CSGALNACT1: variants seen among roughly 807,000 people sequenced by gnomAD.
The protein encoded by CSGALNACT1 is beta4GalNAcT-1.
In CSGALNACT1, 52 loss-of-function variants were observed where a neutral mutation model predicts 51.0. The ratio of observed to expected loss-of-function variants is 1.02; its 90% CI spans 0.82 to 1.29. The LOEUF (loss-of-function observed/expected upper bound fraction) is 1.29, where lower values mean the gene tolerates loss of function less well. CSGALNACT1 is among the 50% of genes most tolerant of loss of function. CSGALNACT1 has a pLI of 0.00. For missense variants in CSGALNACT1, 935 were observed against 679.2 expected, an observed-to-expected ratio of 1.38 and a Z score of -4.19; for synonymous variants, 341 against 254.4, an observed-to-expected ratio of 1.34 and a Z score of -3.24.
intron 5 of CSGALNACT1, among the ~76,000 whole-genome samples, chr8:19,440,483 T>G (rs1005221469): frequency 6.6e-6 from 1 of 151,708 alleles, no homozygotes; most frequent in Non-Finnish European, 1.5e-5. Flanking sequence ...ATTATCTCAA[T>G]AGATGCAGAA....
rs117177235 is a variant in CSGALNACT1 at position 19,553,853 on chromosome 8, T to C, written c.-297+37307A>G. 4.9e-3 allele frequency among the ~76,000 whole-genome samples: 744 copies of C among 150,700 alleles called. 8 individuals are homozygous for C. Among genetic ancestry groups the C allele is most frequent in the Non-Finnish European group, 8.4e-3 (567 of 67,756 alleles). On this transcript the variant is annotated intron_variant, in intron 3 of 9. Coordinates refer to ENST00000454498, the Ensembl canonical transcript of CSGALNACT1. ...GAAAACATTGCATTGACAAAATAAGTACAGAATGTCATGAGGAAAATAATC... is the reference window on the plus strand; with the variant it reads ...GAAAACATTGCATTGACAAAATAAGCACAGAATGTCATGAGGAAAATAATC...
At chr8:19,561,854 G>A (rs912303002) in intron 3 of CSGALNACT1, among the ~76,000 whole-genome samples, 4 of 152,192 alleles carry the variant, frequency 2.6e-5, no homozygotes, top group South Asian at 2.1e-4. Flanking sequence ...GGCCAGGAGG[G>A]TAAGAGGTAA....
intron 3 of CSGALNACT1, among the ~76,000 whole-genome samples, chr8:19,575,031 C>T (rs2043870231): frequency 6.7e-6 from 1 of 150,156 alleles, no homozygotes; most frequent in South Asian, 2.1e-4. Context: ...GAGACTCCGT[C>T]TCAAAAAAAA....
chr8:19,553,639 A>ATATATATATAT (rs869251447), intron 3 of CSGALNACT1, among the ~76,000 whole-genome samples: 44 of 126,608 alleles, frequency 3.5e-4, no homozygotes, highest in African/African-American at 1.0e-3. Flanking sequence ...ATATATATAT[A>ATATATATATAT]AAAAAATATG....
chr8:19,453,202 CA>C (rs1483425756), intron 5 of CSGALNACT1, among the ~76,000 whole-genome samples: 1 of 152,162 alleles, frequency 6.6e-6, no homozygotes, highest in Non-Finnish European at 1.5e-5. Flanking sequence ...ATTTCTTAGA[CA>C]TGTTTCACAC....
At chr8:19,733,295 C>A (rs1200503712) in intron 1 of CSGALNACT1, among the ~76,000 whole-genome samples, 1 of 152,212 alleles carries the variant, frequency 6.6e-6, no homozygotes, top group African/African-American at 2.4e-5. Flanking sequence ...CAATTTGGAA[C>A]TTGCTCCTTG....
At position 19,428,441 on chromosome 8, in the gene CSGALNACT1, G is replaced by A. The variant is rs143697519; in HGVS notation, c.954-7923C>T. ...TCCCCTTGTAAAACCATCAGATCTC[G>A]TGAGACTTATTCACCACCATGAGAA... On this transcript the variant is annotated intron_variant, in intron 6 of 9. Transcript: ENST00000454498. Among the ~76,000 whole-genome samples, 146 of 152,260 alleles carry A rather than the reference G, an allele frequency of 9.6e-4. 2 individuals are homozygous for A. The South Asian group carries it at 0.016, about 17-fold the overall frequency.
chr8:19,443,096 C>G (rs1190049215), intron 5 of CSGALNACT1, among the ~76,000 whole-genome samples: 3 of 152,186 alleles, frequency 2.0e-5, no homozygotes, highest in Admixed American at 6.5e-5. Flanking sequence ...GGCCAGACCT[C>G]TAGCTCTGGC....
At chr8:19,493,864 G>A (rs2074921248) in intron 4 of CSGALNACT1, among the ~76,000 whole-genome samples, 1 of 129,134 alleles carries the variant, frequency 7.7e-6, no homozygotes, top group African/African-American at 3.0e-5. Context: ...ATACGTATGT[G>A]TGTTTATACA....
chr8:19,497,191 C>G (rs1264065785), intron 4 of CSGALNACT1, among the ~76,000 whole-genome samples: 2 of 152,172 alleles, frequency 1.3e-5, no homozygotes, highest in Non-Finnish European at 2.9e-5. Context: ...CCCTCCTGCC[C>G]TGCACAGACA....
chr8:19,631,822 C>T (rs962291594), intron 1 of CSGALNACT1, among the ~76,000 whole-genome samples: 3 of 152,210 alleles, frequency 2.0e-5, no homozygotes, highest in African/African-American at 7.2e-5. Flanking sequence ...AACAAGTGTG[C>T]AGTCCTAAAT....
intron 3 of CSGALNACT1, among the ~76,000 whole-genome samples, chr8:19,553,620 C>CATACATATATATATATAT (rs1386703624): frequency 1.8e-3 from 127 of 71,548 alleles, no homozygotes; most frequent in African/African-American, 0.011. Context: ...TATATAAATA[C>CATACATATATATATATAT]ATATATATAT....
intron 1 of CSGALNACT1, among the ~76,000 whole-genome samples, chr8:19,669,625 T>C (rs573169944): frequency 6.6e-6 from 1 of 151,670 alleles, no homozygotes. Flanking sequence ...GCCAGTTTTT[T>C]GTTTGTTTGT....
chr8:19,668,496 A>C (rs979143591), intron 1 of CSGALNACT1, among the ~76,000 whole-genome samples: 2 of 152,220 alleles, frequency 1.3e-5, no homozygotes, highest in African/African-American at 2.4e-5. Context: ...CTGATCAATT[A>C]CTTCATGAGT....
At chr8:19,466,394 G>C (rs926793764) in intron 4 of CSGALNACT1, among the ~76,000 whole-genome samples, 3 of 152,112 alleles carry the variant, frequency 2.0e-5, no homozygotes, top group African/African-American at 7.2e-5. Flanking sequence ...TGCCTATGAA[G>C]ACATCCCCGC....
upstream of CSGALNACT1, among the ~76,000 whole-genome samples, chr8:19,605,623 G>A (rs977978410): frequency 1.3e-5 from 2 of 152,132 alleles, no homozygotes; most frequent in Non-Finnish European, 2.9e-5. Context: ...AACCGAGTAA[G>A]AGGAGGCAGG....
chr8:19,439,771 A>G, intron 6 of CSGALNACT1, 59 bp downstream of exon 5: 1 of 1,269,594 alleles, frequency 7.9e-7, no homozygotes, highest in East Asian at 2.3e-5. Context: ...TCAGCCTTGG[A>G]TGTGTGCTTC....
At chr8:19,666,801 A>AG (rs2059237619) in intron 1 of CSGALNACT1, among the ~76,000 whole-genome samples, 2 of 21,812 alleles carry the variant, frequency 9.2e-5, no homozygotes, top group African/African-American at 6.8e-4. Flanking sequence ...GAAAGAAAGA[A>AG]AGAAAGAAAG....
chr8:19,527,481 G>A (rs912896329), intron 3 of CSGALNACT1, among the ~76,000 whole-genome samples: 47 of 152,128 alleles, frequency 3.1e-4, no homozygotes, highest in African/African-American at 1.1e-3. Context: ...ATGGTGGTGG[G>A]TGGCTACAGT....
Sources: gnomAD v4.1 joint callset for allele counts (sites outside exome capture counted in the v4.1 genomes callset) on GRCh38, gnomAD v4.1.1 for gene constraint, MANE v1.5 for transcripts, NCBI Gene and HGNC (gene_info 2026-07-23, HGNC 2026-07-21) for gene names.